Variants in CALML4 observed in about 807,000 individuals in gnomAD.
CALML4 encodes calmodulin like 4, also known as calmodulin-like protein 4.
CALML4 carries 16 observed loss-of-function variants against 17.9 expected under a neutral mutation model. The ratio of observed to expected loss-of-function variants is 0.89; its 90% CI spans 0.61 to 1.36. CALML4 has a LOEUF of 1.36. Ranked by LOEUF, CALML4 falls within the 40% of genes most tolerant of loss-of-function variation. CALML4 has a pLI of 0.00. For synonymous variants in CALML4, 86 were observed against 71.5 expected, an observed-to-expected ratio of 1.20 and a Z score of -1.02; for missense variants, 203 against 194.8, an observed-to-expected ratio of 1.04 and a Z score of -0.25.
Position 68,202,807 on chromosome 15 carries a change from CTTT to C in CALML4, c.34+2311_34+2313del, listed in dbSNP as rs35057668. ...TATAGGCATGTGCCACCATGACCGG[CTTT>C]TTTTTTTTTTTTTTTTTTTTTGAGA... On this transcript the variant is annotated intron_variant, in intron 2 of 4. Coordinates refer to ENST00000467889, the MANE Select transcript of CALML4 (RefSeq NM_033429.3). 8.4e-5 allele frequency among the ~76,000 whole-genome samples: 8 copies of C among 95,028 alleles called. No individual in the cohort carries two copies. In the South Asian group the frequency reaches 1.3e-3, roughly 15 times the overall value. The allele number at this position is 95,028 out of a possible 152,430, so 62.3% of individuals were successfully genotyped here.
At chr15:68,195,430 C>T (rs1046505907) in intron 4 of CALML4, among the ~76,000 whole-genome samples, 4 of 152,156 alleles carry the variant, frequency 2.6e-5, no homozygotes, top group Non-Finnish European at 5.9e-5. Flanking sequence ...CACAATCAGC[C>T]AGGTGGCTAA....
upstream of CALML4, chr15:68,205,452 TTG>T (rs2093180184): frequency 6.3e-7 from 1 of 1,583,832 alleles, no homozygotes; most frequent in Non-Finnish European, 8.6e-7. This position sits in a 1 kb window ranked among gnomAD's most constrained non-coding sequence, Gnocchi z 4.8. Flanking sequence ...CCTGGGCAGG[TTG>T]GATTTTTGAG....
rs2093178913 is a variant in CALML4 at position 68,205,237 on chromosome 15, ACACT to A, written c.3+4_3+7del. The A allele has an allele frequency of 6.2e-7, 1 of 1,614,102 alleles. No homozygotes were observed. Among genetic ancestry groups the A allele is most frequent in the African/African-American group, 1.3e-5 (1 of 75,012 alleles). ...CCTGGCCAGGCCGACACAGACCCTC[ACACT>A]CACCATTCTGGGGCCTCGGCTGCTA... On this transcript the variant is annotated splice_donor_5th_base_variant and intron_variant, in intron 1 of 4. Coordinates refer to ENST00000467889, the MANE Select transcript of CALML4 (RefSeq NM_033429.3). The surrounding 1 kb of genome is among the most constrained non-coding windows in gnomAD (Gnocchi z 4.8).
intron 2 of CALML4, among the ~76,000 whole-genome samples, chr15:68,202,569 G>T (rs1353671618): frequency 6.6e-6 from 1 of 152,000 alleles, no homozygotes; most frequent in East Asian, 1.9e-4. Flanking sequence ...TCATGCCATT[G>T]CACAGAGCAA....
intron 4 of CALML4, among the ~76,000 whole-genome samples, chr15:68,195,491 C>T (rs981177603): frequency 6.6e-6 from 1 of 152,142 alleles, no homozygotes; most frequent in African/African-American, 2.4e-5. Flanking sequence ...GTCACTGCAG[C>T]CTCTTCCCAT....
rs1481880127 is a variant in CALML4 at position 68,197,149 on chromosome 15, G to T, written c.364+291C>A. Among the ~76,000 whole-genome samples the T allele has an allele frequency of 2.3e-5, 1 of 43,376 alleles. No homozygotes were observed. Among genetic ancestry groups the T allele is most frequent in the Non-Finnish European group, 7.4e-5 (1 of 13,486 alleles). The allele number at this position is 43,376 out of a possible 152,430, so 28.5% of individuals were successfully genotyped here. ...GCCCCACAGTGAGAGCTTGAACACA[G>T]GGGGAGACCAGACTGCACGCTCCAG... On this transcript the variant is annotated intron_variant, in intron 4 of 4. Coordinates refer to ENST00000467889, the MANE Select transcript of CALML4 (RefSeq NM_033429.3). The surrounding 1 kb of genome is among the most constrained non-coding windows in gnomAD (Gnocchi z 4.1).
chr15:68,194,544 C>T (rs1025368551), intron 4 of CALML4, among the ~76,000 whole-genome samples: 1 of 152,026 alleles, frequency 6.6e-6, no homozygotes, highest in Non-Finnish European at 1.5e-5. Flanking sequence ...CCACCATGCC[C>T]GGCTAATTTT....
chr15:68,199,295 G>C (rs1416969569), intron 3 of CALML4, among the ~76,000 whole-genome samples: 1 of 152,148 alleles, frequency 6.6e-6, no homozygotes, highest in Admixed American at 6.5e-5. Context: ...ATTTTTCTCT[G>C]GGTTTGGTAA....
In CALML4 at chr15:68,200,614, G is replaced by T. The variant is rs2093162438; in HGVS notation, c.35-933C>A. On this transcript the variant is annotated intron_variant, in intron 2 of 4. Transcript: ENST00000467889. This position sits in a 1 kb window ranked among gnomAD's most constrained non-coding sequence, Gnocchi z 4.3. ...GTAGGTGGGGCTGCCATCAGGACAGGGAGATTCTCGTCCAGCCCAGACGAG... is the reference window on the plus strand; with the variant it reads ...GTAGGTGGGGCTGCCATCAGGACAGTGAGATTCTCGTCCAGCCCAGACGAG... Among the ~76,000 whole-genome samples, 2 of 152,196 alleles carry T rather than the reference G, an allele frequency of 1.3e-5. No homozygotes were observed. Among genetic ancestry groups the T allele is most frequent in the African/African-American group, 4.8e-5 (2 of 41,452 alleles).
Position 68,205,054 on chromosome 15 carries a change from CA to C in CALML4, c.34+66del. The C allele has an allele frequency of 6.4e-7, 1 of 1,569,784 alleles. No individual in the cohort carries two copies. Among genetic ancestry groups the C allele is most frequent in the Admixed American group, 1.7e-5 (1 of 59,748 alleles). ...TTCCTTCCCACCAAGAAAACATGAGCAGAGCAAATTGCCTAATGAGACCCAT... is the reference window on the plus strand; with the variant it reads ...TTCCTTCCCACCAAGAAAACATGAGCGAGCAAATTGCCTAATGAGACCCAT... On this transcript the variant is annotated intron_variant, in intron 2 of 4. Transcript: ENST00000467889. This position sits in a 1 kb window ranked among gnomAD's most constrained non-coding sequence, Gnocchi z 4.8.
In CALML4 at chr15:68,200,254, T is replaced by TATC. The variant is rs1186323573; in HGVS notation, c.35-576_35-574dup. Among the ~76,000 whole-genome samples the TATC allele has an allele frequency of 6.6e-6, 1 of 152,198 alleles. No homozygotes were observed. Among genetic ancestry groups the TATC allele is most frequent in the South Asian group, 2.1e-4 (1 of 4,838 alleles). On this transcript the variant is annotated intron_variant, in intron 2 of 4. Coordinates refer to ENST00000467889, the MANE Select transcript of CALML4 (RefSeq NM_033429.3). This position sits in a 1 kb window ranked among gnomAD's most constrained non-coding sequence, Gnocchi z 4.3. Reference sequence around the variant, plus strand: ...GAGAGTGGCCTTCATATGATGATATTATCATCATCATCAGAGCTGGGGCAT... The same window carrying TATC: ...GAGAGTGGCCTTCATATGATGATATTATCATCATCATCATCAGAGCTGGGGCAT...
In CALML4 at chr15:68,205,287, A is replaced by G; in HGVS notation, c.-40T>C. The G allele has an allele frequency of 6.2e-7, 1 of 1,614,120 alleles. No homozygotes were observed. The highest frequency in any genetic ancestry group is 8.5e-7 in the Non-Finnish European group (1 of 1,180,028). On this transcript the variant is annotated 5_prime_UTR_variant, in exon 1 of 5. Coordinates refer to ENST00000467889, the MANE Select transcript of CALML4 (RefSeq NM_033429.3). This position sits in a 1 kb window ranked among gnomAD's most constrained non-coding sequence, Gnocchi z 4.8. ...TGCTACCCGTGGGCTTGCTGCTCCCAGAACCGCGTTCAGTTCCCTTTCCTC... is the reference window on the plus strand; with the variant it reads ...TGCTACCCGTGGGCTTGCTGCTCCCGGAACCGCGTTCAGTTCCCTTTCCTC...
chr15:68,205,223 C>A lies in CALML4; in HGVS notation c.3+22G>T, dbSNP rs771683010. The A allele has an allele frequency of 1.9e-6, 3 of 1,614,066 alleles. No individual in the cohort carries two copies. Among genetic ancestry groups the A allele is most frequent in the Middle Eastern group, 1.6e-4 (1 of 6,062 alleles). ...TTCACGCCCCCAGCCCTGGCCAGGCCGACACAGACCCTCACACTCACCATT... is the reference window on the plus strand; with the variant it reads ...TTCACGCCCCCAGCCCTGGCCAGGCAGACACAGACCCTCACACTCACCATT... On this transcript the variant is annotated intron_variant, in intron 1 of 4. Coordinates refer to ENST00000467889, the MANE Select transcript of CALML4 (RefSeq NM_033429.3). This position sits in a 1 kb window ranked among gnomAD's most constrained non-coding sequence, Gnocchi z 4.8.
At position 68,200,021 on chromosome 15, in the gene CALML4, T is replaced by G; in HGVS notation, c.35-340A>C. ...TCCCCTTCCCTTTCTCCCTACTCCC[T>G]CCCTTCCTTCTCCCTCCCCCTCCCC... On this transcript the variant is annotated intron_variant, in intron 2 of 4. Transcript: ENST00000467889. The surrounding 1 kb of genome is among the most constrained non-coding windows in gnomAD (Gnocchi z 4.3). 6.0e-6 allele frequency: 1 copy of G among 165,598 alleles called. No homozygotes were observed. The highest frequency in any genetic ancestry group is 1.3e-5 in the Non-Finnish European group (1 of 77,148). 10.3% of individuals were successfully genotyped at this position (165,598 alleles called of 1,614,324 possible).
rs1443134628 is a variant in CALML4 at position 68,197,737 on chromosome 15, G to T, written c.176-109C>A. 1 of 965,262 alleles carries T rather than the reference G, an allele frequency of 1.0e-6. No individual in the cohort carries two copies. The highest frequency in any genetic ancestry group is 1.6e-5 in the African/African-American group (1 of 60,880). The allele number at this position is 965,262 out of a possible 1,614,324, so 59.8% of individuals were successfully genotyped here. A position where few individuals can be genotyped will look rare whatever the true frequency, so the allele number is the denominator to read the frequency against. On this transcript the variant is annotated intron_variant, in intron 3 of 4. Coordinates refer to ENST00000467889, the MANE Select transcript of CALML4 (RefSeq NM_033429.3). This position sits in a 1 kb window ranked among gnomAD's most constrained non-coding sequence, Gnocchi z 4.1. ...GCCGGTTCAAGGTCAACTGACCAGGGAATGCCAGGATGTGGCAGTGGTCAC... is the reference window on the plus strand; with the variant it reads ...GCCGGTTCAAGGTCAACTGACCAGGTAATGCCAGGATGTGGCAGTGGTCAC...
chr15:68,202,807 C>CTTTTTTT lies in CALML4; in HGVS notation c.34+2307_34+2313dup, dbSNP rs35057668. 2.0e-3 allele frequency among the ~76,000 whole-genome samples: 186 copies of CTTTTTTT among 95,038 alleles called. 28 individuals are homozygous for CTTTTTTT. The highest frequency in any genetic ancestry group is 8.8e-3 in the African/African-American group (176 of 19,932). 62.3% of individuals were successfully genotyped at this position (95,038 alleles called of 152,430 possible). A position where few individuals can be genotyped will look rare whatever the true frequency, so the allele number is the denominator to read the frequency against. On this transcript the variant is annotated intron_variant, in intron 2 of 4. Coordinates refer to ENST00000467889, the MANE Select transcript of CALML4 (RefSeq NM_033429.3). ...TATAGGCATGTGCCACCATGACCGG[C>CTTTTTTT]TTTTTTTTTTTTTTTTTTTTTTTTG...
At chr15:68,198,333 G>C (rs1168297268) in intron 3 of CALML4, 2 of 152,280 alleles carry the variant, frequency 1.3e-5, no homozygotes, top group Non-Finnish European at 2.9e-5. Context: ...TGGGCTCCCA[G>C]CGCAACTGCA....
At chr15:68,202,729 C>G (rs553036100) in intron 2 of CALML4, among the ~76,000 whole-genome samples, 4 of 151,272 alleles carry the variant, frequency 2.6e-5, no homozygotes, top group African/African-American at 9.7e-5. Context: ...CTGCAGCCTC[C>G]ACCTCCCAGG....
chr15:68,194,869 C>T (rs1287154490), intron 4 of CALML4, among the ~76,000 whole-genome samples: 2 of 151,498 alleles, frequency 1.3e-5, no homozygotes, highest in Non-Finnish European at 2.9e-5. Context: ...CGGTGCTCCT[C>T]ACCACCTCTG....
Sources: gnomAD v4.1 joint callset for allele counts (sites outside exome capture counted in the v4.1 genomes callset) on GRCh38, gnomAD v4.1.1 for gene constraint, Gnocchi (gnomAD v3.1) non-coding constraint, MANE v1.5 for transcripts, NCBI Gene and HGNC (gene_info 2026-07-23, HGNC 2026-07-21) for gene names.